The following FAT1 variants were observed in gnomAD, a reference collection of about 807,000 sequenced individuals.
The protein encoded by FAT1 is protocadherin Fat 1.
A neutral mutation model predicts 329.8 loss-of-function variants in FAT1; 171 were observed. That is an observed-to-expected ratio of 0.52 (90% CI 0.46 to 0.59). FAT1 has a LOEUF of 0.59. FAT1 is among the 20% of genes least tolerant of loss of function. FAT1 has a pLI of 0.00. For synonymous variants in FAT1, 2,233 were observed against 2,228.6 expected (o/e 1.00, Z -0.06); for missense variants, 5,672 against 5,774.4 (o/e 0.98, Z 0.57).
intron 7 of FAT1, among the ~76,000 whole-genome samples, chr4:186,633,293 CA>C (rs961436712): frequency 1.3e-5 from 2 of 151,010 alleles, no homozygotes; most frequent in South Asian, 2.1e-4. Flanking sequence ...AGGAGGAATC[CA>C]AAAAAAAGTG....
At chr4:186,672,635 T>C (rs996394685) in intron 2 of FAT1, among the ~76,000 whole-genome samples, 2 of 152,238 alleles carry the variant, frequency 1.3e-5, no homozygotes, top group Non-Finnish European at 2.9e-5. Flanking sequence ...ATTTACTCCT[T>C]ACAGCAACCC....
chr4:186,683,222 AT>A (rs1350609207), intron 2 of FAT1, among the ~76,000 whole-genome samples: 1 of 152,148 alleles, frequency 6.6e-6, no homozygotes, highest in African/African-American at 2.4e-5. Flanking sequence ...TCCTTAACAC[AT>A]GCCCTGTTTT....
At chr4:186,661,995 G>T (rs974739356) in intron 3 of FAT1, among the ~76,000 whole-genome samples, 12 of 149,910 alleles carry the variant, frequency 8.0e-5, no homozygotes, top group African/African-American at 2.7e-4. Context: ...TGCTTGGTGT[G>T]TAGGAAATCC....
rs1381598787 is a variant in FAT1 at position 186,707,143 on chromosome 4, A to T, written c.2685T>A (p.Ile895=). The change falls in exon 2 of 27, where the codon ATT becomes ATA. Residue 895 remains isoleucine, a synonymous_variant. Transcript: ENST00000441802. ...RELQHEHSLK[I]EARDQAREEP... The stretch of plus-strand genomic sequence containing the variant: ...CTTCTCTGGCTTGGTCCCTGGCCTC[A>T]ATCTTTAAGGAGTGCTCATGCTGCA... 1.2e-6 allele frequency: 2 copies of T among 1,613,912 alleles called. No homozygotes were observed. The highest frequency in any genetic ancestry group is 8.5e-7 in the Non-Finnish European group (1 of 1,179,852).
In FAT1 at chr4:186,617,159, T is replaced by C. The variant is rs1247047215; in HGVS notation, c.8921A>G (p.Asn2974Ser). 10 of 1,613,462 alleles carry C rather than the reference T, an allele frequency of 6.2e-6. No individual in the cohort carries two copies. The highest frequency in any genetic ancestry group is 8.5e-6 in the Non-Finnish European group (10 of 1,179,636). The stretch of plus-strand genomic sequence containing the variant: ...TTTCTTCACATATACCTTCCATTCA[T>C]TCTGTATAGTTTCAACGGCAAACTG... ...LGQFAVETIQ[N>S]EWKVYVKKPL... Residue 2974 changes from asparagine (N) to serine (S), a missense_variant, in exon 11 of 27, where the codon AAT becomes AGT. This residue lies in a region of FAT1 where 3,966 missense variants were observed against 3,915.2 expected (regional missense o/e 1.01). Transcript: ENST00000441802.
Position 186,614,310 on chromosome 4 carries a change from A to T in FAT1, c.9110T>A (p.Leu3037His), listed in dbSNP as rs1579321418. 6.3e-7 allele frequency: 1 copy of T among 1,581,944 alleles called. No homozygotes were observed. The highest frequency in any genetic ancestry group is 8.6e-7 in the Non-Finnish European group (1 of 1,168,770). ...GATCTGCATGATCAATTTTCCAGGA[A>T]GGACGTCTTCAGGAATAGTGTCTGA... ...LYSDTIPEDV[L>H]PGKLIMQISA... The change falls in exon 12 of 27, where the codon CTT (leucine) becomes CAT (histidine). Residue 3037 changes from leucine to histidine, a missense_variant. Leu to His is a moderately conservative substitution (Grantham distance 99). This residue lies in a region of FAT1 where 3,966 missense variants were observed against 3,915.2 expected (regional missense o/e 1.01). Transcript: ENST00000441802.
chr4:186,672,813 T>C (rs1373119745), intron 2 of FAT1, among the ~76,000 whole-genome samples: 2 of 152,122 alleles, frequency 1.3e-5, no homozygotes, highest in African/African-American at 4.8e-5. Context: ...TGTCCTTCAA[T>C]TGGAGGGAAG....
chr4:186,620,403 T>C lies in FAT1; in HGVS notation c.6183A>G (p.Ala2061=), dbSNP rs2126515334. ...TGACCTTCACGACAACGTGGGCCAC[T>C]GCAGAAGGCTTATGTTCCTCTGTCA... ...VEVTEEHKPS[A]VAHVVVKVIV... The change falls in exon 10 of 27, where the codon GCA becomes GCG. Residue 2061 remains alanine (A), a synonymous_variant. Transcript: ENST00000441802. 6.2e-7 allele frequency: 1 copy of C among 1,614,040 alleles called. No homozygotes were observed. The highest frequency in any genetic ancestry group is 8.5e-7 in the Non-Finnish European group (1 of 1,179,896).
intron 3 of FAT1, among the ~76,000 whole-genome samples, chr4:186,651,836 T>C (rs1741675861): frequency 6.6e-6 from 1 of 152,210 alleles, no homozygotes; most frequent in Non-Finnish European, 1.5e-5. Context: ...ACTCAGGTGG[T>C]GTCCTAAGAC....
At position 186,603,657 on chromosome 4, in the gene FAT1, C is replaced by T. The variant is rs370761121; in HGVS notation, c.10869G>A (p.Thr3623=). ...TGATATGCACTGTGATGTCGGCCAC[C>T]GTCGTGAACTTCCCATCTGTTACGC... ...NVSVTDGKFT[T]VADITVHIRQ... Residue 3623 remains threonine (T), a synonymous_variant, in exon 19 of 27, where the codon ACG becomes ACA. Coordinates refer to ENST00000441802, the MANE Select transcript of FAT1 (RefSeq NM_005245.4). The T allele has an allele frequency of 9.3e-6, 15 of 1,613,960 alleles. No homozygotes were observed. In the East Asian group the frequency reaches 1.1e-4, roughly 12 times the overall value.
chr4:186,600,994 G>A (rs1177994759), intron 21 of FAT1, among the ~76,000 whole-genome samples: 2 of 152,200 alleles, frequency 1.3e-5, no homozygotes, highest in African/African-American at 2.4e-5. Flanking sequence ...TTACAGGCGT[G>A]AGCCACCACA....
At chr4:186,625,634 A>C (rs1225154415) in intron 9 of FAT1, among the ~76,000 whole-genome samples, 1 of 152,270 alleles carries the variant, frequency 6.6e-6, no homozygotes, top group Non-Finnish European at 1.5e-5. Flanking sequence ...TAATTCTCTA[A>C]ACTCATTATG....
At position 186,594,216 on chromosome 4, in the gene FAT1, C is replaced by A. The variant is rs563542783; in HGVS notation, c.13138+1473G>T. On this transcript the variant is annotated intron_variant, in intron 26 of 26. Coordinates refer to ENST00000441802, the MANE Select transcript of FAT1 (RefSeq NM_005245.4). ...CAGTAGCTGGGAGTACAGGTGCCCA[C>A]CACCACGCCCGGCTGATTTTTTTTA... is the stretch of plus-strand genomic sequence containing the variant. 3.9e-3 allele frequency among the ~76,000 whole-genome samples: 587 copies of A among 152,122 alleles called. 5 individuals carry two copies. Among genetic ancestry groups the A allele is most frequent in the African/African-American group, 0.013 (556 of 41,506 alleles).
intron 2 of FAT1, among the ~76,000 whole-genome samples, chr4:186,699,333 T>C (rs1467110277): frequency 4.6e-5 from 7 of 152,056 alleles, no homozygotes; most frequent in Admixed American, 2.0e-4. Context: ...CTCCCCAACA[T>C]GAAATGAGTA....
chr4:186,723,621 C>T (rs113104082), intron 1 of FAT1, 43 bp downstream of exon 1: 2,511 of 152,258 alleles, frequency 0.016, 29 homozygotes, highest in Middle Eastern at 0.041. Context: ...GCGCGCTGCA[C>T]GCTCTCGCCC....
At chr4:186,595,929 TTAC>T (rs1405865320) in intron 25 of FAT1, 103 bp from the exon 26 acceptor site, 48 of 1,221,058 alleles carry the variant, frequency 3.9e-5, no homozygotes, top group Non-Finnish European at 5.5e-5. Context: ...GGCCTGAGAT[TTAC>T]TCAATAAATG....
chr4:186,652,439 C>A (rs1051740668), intron 3 of FAT1, among the ~76,000 whole-genome samples: 8 of 152,036 alleles, frequency 5.3e-5, no homozygotes, highest in Non-Finnish European at 1.2e-4. Flanking sequence ...AACCAATTTG[C>A]GGAGGAAAAA....
At chr4:186,617,434 G>C (rs1455723940) in intron 10 of FAT1, among the ~76,000 whole-genome samples, 1 of 152,104 alleles carries the variant, frequency 6.6e-6, no homozygotes, top group Non-Finnish European at 1.5e-5. Flanking sequence ...TAAAACTATA[G>C]ATGTTTTTAA....
intron 2 of FAT1, among the ~76,000 whole-genome samples, chr4:186,684,833 G>C (rs1743390334): frequency 6.6e-6 from 1 of 152,154 alleles, no homozygotes; most frequent in Admixed American, 6.5e-5. Flanking sequence ...AAACAGAGGA[G>C]GCGTGGTTTT....
Sources: gnomAD v4.1 joint callset for allele counts (sites outside exome capture counted in the v4.1 genomes callset) on GRCh38, gnomAD v4.1.1 for gene constraint, gnomAD v4.1.1 regional missense constraint, MANE v1.5 for transcripts, NCBI Gene and HGNC (gene_info 2026-07-23, HGNC 2026-07-21) for gene names.